Variants in HOXB2 observed in about 807,000 individuals in gnomAD.
HOXB2 encodes the protein homeobox protein Hox-B2.
Under a neutral mutation model 13.1 loss-of-function variants are expected in HOXB2, and 14 were observed. That is an observed-to-expected ratio of 1.07 (90% confidence interval 0.71 to 1.67). HOXB2 has a LOEUF of 1.67. Ranked by LOEUF, HOXB2 falls within the 40% of genes most tolerant of loss-of-function variation. HOXB2 has a pLI of 0.00. For synonymous variants in HOXB2, 261 were observed against 233.1 expected (o/e 1.12, Z -1.09); for missense variants, 582 against 488.3 (o/e 1.19, Z -1.81).
chr17:48,543,130 A>G lies in HOXB2; in HGVS notation c.1009T>C (p.Ser337Pro), dbSNP rs113828741. The stretch of plus-strand genomic sequence containing the variant: ...GTGAAAAAATCCAGCTCTTCCTCGG[A>G]AAAAGGGACCGGGCTGTCGAGAGAA... Reference protein sequence around the residue: ...QGSLDSPVPFSEEELDFFTST... With the variant: ...QGSLDSPVPFPEEELDFFTST... Residue 337 changes from serine (S) to proline (P), a missense_variant, in exon 2 of 2, where the codon TCC becomes CCC. Physicochemically the swap from Ser to Pro is moderately conservative, Grantham distance 74. Transcript: ENST00000330070. 1.2e-3 allele frequency: 1,949 copies of G among 1,611,654 alleles called. 1 individual carries two copies. The highest frequency in any genetic ancestry group is 1.6e-3 in the Non-Finnish European group (1,837 of 1,179,246).
intron 1 of HOXB2, 61 bp downstream of exon 1, chr17:48,544,460 C>T: frequency 6.6e-7 from 1 of 1,512,166 alleles, no homozygotes; most frequent in Non-Finnish European, 8.8e-7. Flanking sequence ...AACCTCCTTC[C>T]ACTGCTTTTT....
chr17:48,544,115 C>T (rs756442202), intron 1 of HOXB2: 322 of 985,258 alleles, frequency 3.3e-4, no homozygotes, highest in Non-Finnish European at 3.7e-4. Flanking sequence ...CACCCCTCTT[C>T]CTCCCTAGCT....
rs1170538560 is a variant in HOXB2, at chr17:48,543,107, G to GA, written c.1031dup (p.Thr345HisfsTer56). 12 of 1,612,918 alleles carry GA rather than the reference G, an allele frequency of 7.4e-6. No individual in the cohort carries two copies. Among genetic ancestry groups the GA allele is most frequent in the Admixed American group, 1.7e-5 (1 of 59,688 alleles). ...GGTCGATGGCACAGAGCGTACTGGTGAAAAAATCCAGCTCTTCCTCGGAAA... is the reference window on the plus strand; with the variant it reads ...GGTCGATGGCACAGAGCGTACTGGTGAAAAAAATCCAGCTCTTCCTCGGAAA... On this transcript the variant is annotated frameshift_variant, in exon 2 of 2. Coordinates refer to ENST00000330070, the MANE Select transcript of HOXB2 (RefSeq NM_002145.4). LOFTEE classifies it high-confidence loss of function.
chr17:48,543,072 G>A lies in HOXB2; in HGVS notation c.1067C>T (p.Pro356Leu), dbSNP rs773578802. The change falls in exon 2 of 2, where the codon CCC becomes CTC. Residue 356 changes from proline (P) to leucine (L), a missense_variant. By Grantham distance (98) the Pro-to-Leu change is moderately conservative. Coordinates refer to ENST00000330070, the MANE Select transcript of HOXB2 (RefSeq NM_002145.4). Reference protein sequence around the residue: ...STLCAIDLQFP With the variant: ...STLCAIDLQFL ...GGACCGGGAGGAGGAAACAGGTTAG[G>A]GAAACTGCAGGTCGATGGCACAGAG... The A allele has an allele frequency of 1.3e-6, 2 of 1,594,434 alleles. No individual in the cohort carries two copies. The highest frequency in any genetic ancestry group is 1.1e-5 in the South Asian group (1 of 89,096).
rs2068528652 is a variant in HOXB2, at chr17:48,543,587, T to C, written c.552A>G (p.Glu184=). The C allele has an allele frequency of 6.2e-7, 1 of 1,613,282 alleles. No individual in the cohort carries two copies. The highest frequency in any genetic ancestry group is 1.3e-5 in the African/African-American group (1 of 74,878). The part of the protein sequence containing the change: ...VEIAALLDLT[E]RQVKVWFQNR... ...TCTGAAACCAGACTTTGACCTGCCT[T>C]TCGGTGAGGTCCAGCAAGGCCGCGA... The change falls in exon 2 of 2, where the codon GAA becomes GAG. Residue 184 remains glutamate (E), a synonymous_variant. Coordinates refer to ENST00000330070, the MANE Select transcript of HOXB2 (RefSeq NM_002145.4).
Position 48,543,376 on chromosome 17 carries a change from C to T in HOXB2, c.763G>A (p.Ala255Thr), listed in dbSNP as rs779267292. ...CCHPPEVVPG[A>T]LSADPRPLAV... is the part of the protein sequence containing the mutation. ...AAAGGCCGGGGGTCCGCGCTTAAGGCCCCCGGCACCACCTCCGGCGGGTGA... is the reference window on the plus strand; with the variant it reads ...AAAGGCCGGGGGTCCGCGCTTAAGGTCCCCGGCACCACCTCCGGCGGGTGA... The change falls in exon 2 of 2, where the codon GCC (alanine) becomes ACC (threonine). Residue 255 changes from alanine to threonine, a missense_variant. Ala to Thr is a moderately conservative substitution (Grantham distance 58, BLOSUM62 0). Coordinates refer to ENST00000330070, the MANE Select transcript of HOXB2 (RefSeq NM_002145.4). The T allele has an allele frequency of 1.9e-6, 3 of 1,586,992 alleles. No individual in the cohort carries two copies. The highest frequency in any genetic ancestry group is 1.1e-5 in the South Asian group (1 of 89,520).
At position 48,542,874 on chromosome 17, in the gene HOXB2, G is replaced by A; in HGVS notation, c.*194C>T. ...AGTCTACCAAACGGAATTTTTCTGT[G>A]TGAATTTTAAAAGATAACCGAGTGC... On this transcript the variant is annotated 3_prime_UTR_variant, in exon 2 of 2. Coordinates refer to ENST00000330070, the MANE Select transcript of HOXB2 (RefSeq NM_002145.4). The A allele has an allele frequency of 2.3e-6, 1 of 427,410 alleles. No homozygotes were observed. Among genetic ancestry groups the A allele is most frequent in the Non-Finnish European group, 4.1e-6 (1 of 243,986 alleles). 26.5% of individuals were successfully genotyped at this position (427,410 alleles called of 1,614,324 possible).
chr17:48,543,060 G>A lies in HOXB2; in HGVS notation c.*8C>T. ...CGGGGGTCGAAAGGACCGGGAGGAG[G>A]AAACAGGTTAGGGAAACTGCAGGTC... On this transcript the variant is annotated 3_prime_UTR_variant, in exon 2 of 2. Transcript: ENST00000330070. 7 of 1,572,814 alleles carry A rather than the reference G, an allele frequency of 4.5e-6. No homozygotes were observed. Among genetic ancestry groups the A allele is most frequent in the Non-Finnish European group, 6.0e-6 (7 of 1,160,450 alleles).
intron 1 of HOXB2, chr17:48,544,253 T>C: frequency 7.3e-7 from 1 of 1,362,136 alleles, no homozygotes; most frequent in Admixed American, 3.6e-5. Flanking sequence ...AATCAAATCA[T>C]TTTCTTCTAG....
In HOXB2 at chr17:48,542,973, CATAAGTCT is replaced by C; in HGVS notation, c.*87_*94del. On this transcript the variant is annotated 3_prime_UTR_variant, in exon 2 of 2. Transcript: ENST00000330070. ...GTAATACCTGAATTTTAGCAAAACA[CATAAGTCT>C]ATGCGACTGAGGGTGGGAGAGGCTC... The C allele has an allele frequency of 2.1e-6, 2 of 957,388 alleles. No homozygotes were observed. The highest frequency in any genetic ancestry group is 3.8e-5 in the South Asian group (2 of 53,248). The allele number at this position is 957,388 out of a possible 1,614,324, so 59.3% of individuals were successfully genotyped here. A position where few individuals can be genotyped will look rare whatever the true frequency, so the allele number is the denominator to read the frequency against.
At chr17:48,544,456 C>T (rs919466738) in intron 1 of HOXB2, 65 bp downstream of exon 1, 4 of 1,502,724 alleles carry the variant, frequency 2.7e-6, no homozygotes, top group Non-Finnish European at 3.5e-6. Flanking sequence ...TTTAAACCTC[C>T]TTCCACTGCT....
chr17:48,543,348 G>C lies in HOXB2; in HGVS notation c.791C>G (p.Ala264Gly), dbSNP rs1160459574. 1 of 1,596,828 alleles carries C rather than the reference G, an allele frequency of 6.3e-7. No homozygotes were observed. The highest frequency in any genetic ancestry group is 2.2e-5 in the East Asian group (1 of 44,664). ...GALSADPRPL[A>G]VRLEGAGASS... ...CGCGCCTGCGCCCTCTAAGCGAACG[G>C]CTAAAGGCCGGGGGTCCGCGCTTAA... Residue 264 changes from alanine to glycine, a missense_variant, in exon 2 of 2, where the codon GCC becomes GGC. Transcript: ENST00000330070.
chr17:48,544,642 G>A lies in HOXB2; in HGVS notation c.270C>T (p.Pro90=). 1 of 1,612,090 alleles carries A rather than the reference G, an allele frequency of 6.2e-7. No individual in the cohort carries two copies. The highest frequency in any genetic ancestry group is 8.5e-7 in the Non-Finnish European group (1 of 1,179,546). The change falls in exon 1 of 2, where the codon CCC becomes CCT. Residue 90 remains proline (P), a synonymous_variant. Coordinates refer to ENST00000330070, the MANE Select transcript of HOXB2 (RefSeq NM_002145.4). The part of the protein sequence containing the change: ...PPPPPPLPAA[P]PAPEFPWMKE... ...TCATCCAAGGGAACTCGGGGGCCGGGGGGGCAGCGGGGAGTGGCGGCGGCG... is the reference window on the plus strand; with the variant it reads ...TCATCCAAGGGAACTCGGGGGCCGGAGGGGCAGCGGGGAGTGGCGGCGGCG...
chr17:48,544,645 G>C lies in HOXB2; in HGVS notation c.267C>G (p.Ala89=), dbSNP rs747313372. 4 of 1,612,204 alleles carry C rather than the reference G, an allele frequency of 2.5e-6. No homozygotes were observed. Among genetic ancestry groups the C allele is most frequent in the East Asian group, 2.2e-5 (1 of 44,836 alleles). Residue 89 remains alanine, a synonymous_variant, in exon 1 of 2, where the codon GCC becomes GCG. Transcript: ENST00000330070. ...PPPPPPPLPA[A]PPAPEFPWMK... is the part of the protein sequence containing the mutation. ...TCCAAGGGAACTCGGGGGCCGGGGGGGCAGCGGGGAGTGGCGGCGGCGGTG... is the reference window on the plus strand; with the variant it reads ...TCCAAGGGAACTCGGGGGCCGGGGGCGCAGCGGGGAGTGGCGGCGGCGGTG...
rs1204484247 is a variant in HOXB2, at chr17:48,543,096, A to G, written c.1043T>C (p.Leu348Pro). 1.9e-6 allele frequency: 3 copies of G among 1,611,730 alleles called. No individual in the cohort carries two copies. The highest frequency in any genetic ancestry group is 2.5e-6 in the Non-Finnish European group (3 of 1,179,210). Residue 348 changes from leucine to proline, a missense_variant, in exon 2 of 2, where the codon CTC becomes CCC. Physicochemically the swap from Leu to Pro is moderately conservative, Grantham distance 98 (BLOSUM62 -3). Transcript: ENST00000330070. ...EEELDFFTST[L>P]CAIDLQFP ...GGGAAACTGCAGGTCGATGGCACAG[A>G]GCGTACTGGTGAAAAAATCCAGCTC...
chr17:48,543,377 C>A lies in HOXB2; in HGVS notation c.762G>T (p.Gly254=). The change falls in exon 2 of 2, where the codon GGG becomes GGT. Residue 254 remains glycine, a synonymous_variant. Transcript: ENST00000330070. ...ACCHPPEVVP[G]ALSADPRPLA... is the part of the protein sequence containing the mutation. ...AAGGCCGGGGGTCCGCGCTTAAGGC[C>A]CCCGGCACCACCTCCGGCGGGTGAC... The A allele has an allele frequency of 6.3e-7, 1 of 1,588,380 alleles. No homozygotes were observed. Among genetic ancestry groups the A allele is most frequent in the Non-Finnish European group, 8.5e-7 (1 of 1,170,930 alleles).
rs770567024 is a variant in HOXB2 at position 48,543,051 on chromosome 17, C to A, written c.*17G>T. ...CAAGGAGCGCGGGGGTCGAAAGGACCGGGAGGAGGAAACAGGTTAGGGAAA... is the reference window on the plus strand; with the variant it reads ...CAAGGAGCGCGGGGGTCGAAAGGACAGGGAGGAGGAAACAGGTTAGGGAAA... On this transcript the variant is annotated 3_prime_UTR_variant, in exon 2 of 2. Transcript: ENST00000330070. The A allele has an allele frequency of 2.6e-6, 4 of 1,560,382 alleles. No individual in the cohort carries two copies. The highest frequency in any genetic ancestry group is 2.0e-5 in the Admixed American group (1 of 51,164).
intron 1 of HOXB2, 82 bp from the exon 2 acceptor site, chr17:48,543,829 C>T (rs1452865914): frequency 5.1e-5 from 74 of 1,460,348 alleles, no homozygotes; most frequent in Non-Finnish European, 6.5e-5. Flanking sequence ...CCTCCAAAAC[C>T]AGTATCACCT....
Position 48,543,439 on chromosome 17 carries a change from C to A in HOXB2, c.700G>T (p.Gly234Cys). The A allele has an allele frequency of 6.3e-7, 1 of 1,598,058 alleles. No individual in the cohort carries two copies. Among genetic ancestry groups the A allele is most frequent in the Non-Finnish European group, 8.5e-7 (1 of 1,174,282 alleles). ...CACGCCGCCCGCGAGGCGGAGGGGC[C>A]GCCCGGGCTGGCCGCGGGTTCCTCG... ...PAEEPAASPG[G>C]PSASRAAWEA... is the part of the protein sequence containing the mutation. The change falls in exon 2 of 2, where the codon GGC becomes TGC. Residue 234 changes from glycine (G) to cysteine (C), a missense_variant. Gly to Cys is a radical substitution (Grantham distance 159). Transcript: ENST00000330070.
Sources: gnomAD v4.1 joint callset for allele counts on GRCh38, gnomAD v4.1.1 for gene constraint, MANE v1.5 for transcripts, NCBI Gene and HGNC (gene_info 2026-07-23, HGNC 2026-07-21) for gene names.